ERMARD: variants seen among roughly 807,000 people sequenced by gnomAD.
ERMARD encodes endoplasmic reticulum membrane-associated RNA degradation protein.
ERMARD carries 71 observed loss-of-function variants against 83.9 expected under a neutral mutation model. That is an observed-to-expected ratio of 0.85 (90% confidence interval 0.70 to 1.03). ERMARD has a LOEUF of 1.03. ERMARD is among the 50% of genes least tolerant of loss of function. The probability of loss-of-function intolerance (pLI) is 0.00; values close to 1 mark genes in which losing one functional copy is unlikely to be tolerated. For synonymous variants in ERMARD, 284 were observed against 298.6 expected (o/e 0.95, Z 0.50); for missense variants, 838 against 810.9 (o/e 1.03, Z -0.41).
intron 1 of ERMARD, 199 bp downstream of exon 1, chr6:169,751,862 C>T (rs570599031): frequency 5.4e-6 from 4 of 734,732 alleles, no homozygotes; most frequent in East Asian, 3.5e-5. Flanking sequence ...AGACGCCTGG[C>T]GGGCCCTGCC....
intron 13 of ERMARD, 127 bp downstream of exon 13, chr6:169,773,529 T>C (rs1585408317): frequency 4.5e-6 from 4 of 880,300 alleles, no homozygotes; most frequent in African/African-American, 3.3e-5. Context: ...TCCAGCTTTT[T>C]AACCAGTGCG....
At chr6:169,769,328 C>T (rs1463238332) in intron 11 of ERMARD, among the ~76,000 whole-genome samples, 2 of 152,120 alleles carry the variant, frequency 1.3e-5, no homozygotes, top group African/African-American at 4.8e-5. Flanking sequence ...TGATGAGGCT[C>T]CAGTACCACC....
rs576229279 is a variant in ERMARD at position 169,774,482 on chromosome 6, A to G, written c.1318-788A>G. 1.1e-4 allele frequency among the ~76,000 whole-genome samples: 16 copies of G among 152,294 alleles called. No individual in the cohort carries two copies. In the South Asian group the frequency reaches 1.7e-3, roughly 16 times the overall value. On this transcript the variant is annotated intron_variant, in intron 13 of 17. Coordinates refer to ENST00000366773, the MANE Select transcript of ERMARD (RefSeq NM_018341.3). ...GAAGGAAGAGGAGCTTCAAGAAGGC[A>G]GCCTTTGTCTTCTAACCAGAGCCAC... is the stretch of plus-strand genomic sequence containing the variant.
At chr6:169,765,373 T>C (rs1562332437) in intron 9 of ERMARD, among the ~76,000 whole-genome samples, 1 of 152,272 alleles carries the variant, frequency 6.6e-6, no homozygotes, top group East Asian at 1.9e-4. Flanking sequence ...GATGCTGTTA[T>C]TATTTACTGA....
chr6:169,751,866 C>T, intron 1 of ERMARD: 1 of 709,420 alleles, frequency 1.4e-6, no homozygotes, highest in Non-Finnish European at 2.1e-6. Context: ...GCCTGGCGGG[C>T]CCTGCCGGCC....
upstream of ERMARD, chr6:169,751,603 G>A: frequency 6.3e-7 from 1 of 1,589,524 alleles, no homozygotes; most frequent in Non-Finnish European, 8.6e-7. Context: ...GCCTGGAGGA[G>A]GGGCGCGCAG....
At chr6:169,753,456 A>G (rs1160011118) in intron 1 of ERMARD, 1 of 155,200 alleles carries the variant, frequency 6.4e-6, no homozygotes, top group Non-Finnish European at 1.5e-5. Context: ...GCTTATTTTG[A>G]TAACTCTGGG....
At chr6:169,766,195 C>T (rs1585381957) in intron 9 of ERMARD, among the ~76,000 whole-genome samples, 1 of 152,222 alleles carries the variant, frequency 6.6e-6, no homozygotes, top group East Asian at 1.9e-4. Context: ...CAGGACAGCA[C>T]ATGTCTGTAG....
chr6:169,778,472 T>C (rs1793841295), intron 16 of ERMARD, among the ~76,000 whole-genome samples: 1 of 152,246 alleles, frequency 6.6e-6, no homozygotes, highest in Non-Finnish European at 1.5e-5. Flanking sequence ...AACAGCATTA[T>C]GGTTTCTTCA....
At chr6:169,760,912 G>A (rs1003559168) in intron 8 of ERMARD, among the ~76,000 whole-genome samples, 156 bp downstream of exon 8, 9 of 152,162 alleles carry the variant, frequency 5.9e-5, no homozygotes, top group Admixed American at 5.9e-4. Context: ...TCATAGAGTC[G>A]CTTCAAGGAC....
chr6:169,751,339 T>TGCCTCCTTCTCGAACATGCTAG, upstream of ERMARD: 1 of 1,613,764 alleles, frequency 6.2e-7, no homozygotes, highest in Non-Finnish European at 8.5e-7. Context: ...CCGCACTCAC[T>TGCCTCCTTCTCGAACATGCTAG]GCCTCCTTCT....
Position 169,780,617 on chromosome 6 carries a change from A to T in ERMARD, c.1854-713A>T, listed in dbSNP as rs373906732. Among the ~76,000 whole-genome samples the T allele has an allele frequency of 2.1e-4, 32 of 152,268 alleles. No homozygotes were observed. The South Asian group carries it at 3.5e-3, about 17-fold the overall frequency. ...CCGGCCCCTCCATCACGGGGGATGG[A>T]AATTGGATGTGTGAGGAGGGGGAGG... On this transcript the variant is annotated intron_variant, in intron 17 of 17. Coordinates refer to ENST00000366773, the MANE Select transcript of ERMARD (RefSeq NM_018341.3).
intron 3 of ERMARD, 29 bp from the exon 4 acceptor site, chr6:169,756,309 C>A: frequency 7.2e-7 from 1 of 1,397,162 alleles, no homozygotes; most frequent in Non-Finnish European, 1.0e-6. Flanking sequence ...TCAGAGTGTA[C>A]ATCCTAATAT....
At chr6:169,756,848 G>A (rs374397711) in intron 5 of ERMARD, 40 bp downstream of exon 5, 45 of 1,552,050 alleles carry the variant, frequency 2.9e-5, no homozygotes, top group Non-Finnish European at 3.0e-5. Context: ...ATATTAGTCC[G>A]TTTTCATGCT....
At chr6:169,781,259 A>G in intron 17 of ERMARD, 71 bp from the exon 18 acceptor site, 1 of 1,355,210 alleles carries the variant, frequency 7.4e-7, no homozygotes, top group Non-Finnish European at 9.9e-7. Context: ...TCCAAGAATG[A>G]AGTGAAGACA....
intron 16 of ERMARD, among the ~76,000 whole-genome samples, chr6:169,777,007 T>C (rs533151523): frequency 2.1e-3 from 322 of 152,270 alleles, no homozygotes; most frequent in Admixed American, 3.3e-3. Context: ...AAGGTGTACA[T>C]TGGTTCCATC....
At position 169,760,740 on chromosome 6, in the gene ERMARD, A is replaced by G; in HGVS notation, c.841A>G (p.Lys281Glu). Residue 281 changes from lysine to glutamate, a missense_variant, in exon 8 of 18, where the codon AAG becomes GAG. Transcript: ENST00000366773. Reference sequence around the variant, plus strand: ...ACCATATTGGGAAGTTGCACTGGTCAAGTTCAAGTCACACAGGTAACTAAA... The same window carrying G: ...ACCATATTGGGAAGTTGCACTGGTCGAGTTCAAGTCACACAGGTAACTAAA... Reference protein sequence around the residue: ...MLPYWEVALVKFKSHRFADCA... With the variant: ...MLPYWEVALVEFKSHRFADCA... 3 of 1,613,418 alleles carry G rather than the reference A, an allele frequency of 1.9e-6. No homozygotes were observed. The highest frequency in any genetic ancestry group is 1.1e-5 in the South Asian group (1 of 91,052).
Position 169,779,277 on chromosome 6 carries a change from A to G in ERMARD, c.1835A>G (p.Glu612Gly). The G allele has an allele frequency of 1.2e-6, 2 of 1,614,136 alleles. No homozygotes were observed. The highest frequency in any genetic ancestry group is 1.7e-6 in the Non-Finnish European group (2 of 1,179,950). Residue 612 changes from glutamate (E) to glycine (G), a missense_variant, in exon 17 of 18, where the codon GAG becomes GGG. Glu to Gly is a moderately conservative substitution (Grantham distance 98). Transcript: ENST00000366773. ...GCTGTTTGTGGGAAGAATGCGCATGAGTATCAGCAGTACCTAAAGTAAGTG... is the reference window on the plus strand; with the variant it reads ...GCTGTTTGTGGGAAGAATGCGCATGGGTATCAGCAGTACCTAAAGTAAGTG... ...IHAVCGKNAH[E>G]YQQYLKFVKS... is the part of the protein sequence containing the mutation.
upstream of ERMARD, chr6:169,751,375 C>A (rs1790051028): frequency 6.2e-7 from 1 of 1,614,042 alleles, no homozygotes; most frequent in Non-Finnish European, 8.5e-7. Context: ...TCCTTTCTTT[C>A]CTAGGCGTCA....
Sources: gnomAD v4.1 joint callset for allele counts (sites outside exome capture counted in the v4.1 genomes callset) on GRCh38, gnomAD v4.1.1 for gene constraint, MANE v1.5 for transcripts, NCBI Gene and HGNC (gene_info 2026-07-23, HGNC 2026-07-21) for gene names.